The following NUP214 variants were observed in gnomAD, a reference collection of about 807,000 sequenced individuals.
NUP214 encodes nucleoporin 214.
In NUP214, 79 loss-of-function variants were observed where a neutral mutation model predicts 196.2. The observed-to-expected ratio is 0.40, with a 90% CI of 0.34 to 0.49. The LOEUF (loss-of-function observed/expected upper bound fraction) is 0.49, where lower values mean the gene tolerates loss of function less well. Ranked by LOEUF, NUP214 falls within the 20% of genes least tolerant of loss-of-function variation. NUP214 has a pLI of 0.58. For synonymous variants in NUP214, 1,020 were observed against 990.5 expected, an observed-to-expected ratio of 1.03 and a Z score of -0.56; for missense variants, 2,468 against 2,539.0, an observed-to-expected ratio of 0.97 and a Z score of 0.60.
chr9:131,199,109 C>T, intron 29 of NUP214, 94 bp downstream of exon 29: 1 of 1,423,982 alleles, frequency 7.0e-7, no homozygotes, highest in Non-Finnish European at 9.4e-7. Context: ...AAAGGGGAGA[C>T]TCAAAACCCA....
intron 28 of NUP214, 169 bp downstream of exon 28, chr9:131,195,463 G>T (rs1833747568): frequency 2.1e-6 from 1 of 467,140 alleles, no homozygotes; most frequent in Non-Finnish European, 3.8e-6. Context: ...TTAAGAAACT[G>T]ATGTGAAGGA....
chr9:131,199,964 C>T (rs1017838614), intron 29 of NUP214, among the ~76,000 whole-genome samples: 2 of 152,100 alleles, frequency 1.3e-5, no homozygotes, highest in African/African-American at 4.8e-5. Context: ...TACCCAATGC[C>T]CTGTGAAGAG....
rs766424679 is a variant in NUP214 at position 131,125,715 on chromosome 9, A to G, written c.11A>G (p.Glu4Gly). MGD[E>G]MDAMIPEREM... ...ACTGAGGGCGGCGCGATGGGAGACG[A>G]GATGGATGCCATGATTCCCGAGCGG... The change falls in exon 1 of 36, where the codon GAG becomes GGG. Residue 4 changes from glutamate (E) to glycine (G), a missense_variant. Around this residue, in one of 5 missense-constraint regions of NUP214, gnomAD observed 392 missense variants for 417.9 expected, o/e 0.94. Coordinates refer to ENST00000359428, the MANE Select transcript of NUP214 (RefSeq NM_005085.4). This position sits in a 1 kb window ranked among gnomAD's most constrained non-coding sequence, Gnocchi z 4.1. The G allele has an allele frequency of 6.4e-7, 1 of 1,552,358 alleles. No individual in the cohort carries two copies.
At chr9:131,133,467 G>A (rs1222228331) in intron 7 of NUP214, among the ~76,000 whole-genome samples, 1 of 151,836 alleles carries the variant, frequency 6.6e-6, no homozygotes, top group Non-Finnish European at 1.5e-5. Context: ...ACTATGCCTG[G>A]CTAATTTTTT....
At chr9:131,213,877 A>C (rs1261798819) in intron 30 of NUP214, among the ~76,000 whole-genome samples, 1 of 152,116 alleles carries the variant, frequency 6.6e-6, no homozygotes, top group Non-Finnish European at 1.5e-5. Context: ...TATTTGAGGC[A>C]CAGAAGATAT....
At chr9:131,150,515 C>A in intron 15 of NUP214, 101 bp from the exon 16 acceptor site, 1 of 1,565,414 alleles carries the variant, frequency 6.4e-7, no homozygotes, top group Non-Finnish European at 8.8e-7. Context: ...AGCGCTGAAG[C>A]ATGGCCCATC....
At position 131,129,999 on chromosome 9, in the gene NUP214, G is replaced by A. The variant is rs1257688161; in HGVS notation, c.592+522G>A. 2.0e-5 allele frequency among the ~76,000 whole-genome samples: 3 copies of A among 152,038 alleles called. No individual in the cohort carries two copies. In the East Asian group the frequency reaches 5.8e-4, roughly 29 times the overall value. On this transcript the variant is annotated intron_variant, in intron 4 of 35. Coordinates refer to ENST00000359428, the MANE Select transcript of NUP214 (RefSeq NM_005085.4). Reference sequence around the variant, plus strand: ...TTGGGATTTCTGGAGAAATATTTTGGTACAGCTGGTTTAGAAGTGTTTTTT... The same window carrying A: ...TTGGGATTTCTGGAGAAATATTTTGATACAGCTGGTTTAGAAGTGTTTTTT...
chr9:131,232,247 A>C lies in NUP214; in HGVS notation c.6215-37A>C. 1 of 1,613,702 alleles carries C rather than the reference A, an allele frequency of 6.2e-7. No homozygotes were observed. Among genetic ancestry groups the C allele is most frequent in the South Asian group, 1.1e-5 (1 of 91,062 alleles). On this transcript the variant is annotated intron_variant, in intron 34 of 35. Coordinates refer to ENST00000359428, the MANE Select transcript of NUP214 (RefSeq NM_005085.4). This position sits in a 1 kb window ranked among gnomAD's most constrained non-coding sequence, Gnocchi z 5.1. ...GGGACCACCTTTGTCTTTCGAGTGGATGCGTGCTTTAACTTCACTCTTATT... is the reference window on the plus strand; with the variant it reads ...GGGACCACCTTTGTCTTTCGAGTGGCTGCGTGCTTTAACTTCACTCTTATT...
chr9:131,211,536 C>T (rs1397951819), intron 30 of NUP214, among the ~76,000 whole-genome samples: 2 of 152,104 alleles, frequency 1.3e-5, no homozygotes, highest in East Asian at 1.9e-4. Context: ...CCATCTGTTG[C>T]GGGAAGTCAG....
intron 33 of NUP214, chr9:131,229,535 G>T: frequency 2.8e-6 from 1 of 352,592 alleles, no homozygotes. Flanking sequence ...TTCTTTACTA[G>T]TAGAAAAGTA....
At chr9:131,202,890 A>G (rs1303790524) in intron 30 of NUP214, among the ~76,000 whole-genome samples, 4 of 151,596 alleles carry the variant, frequency 2.6e-5, no homozygotes, top group African/African-American at 9.7e-5. Flanking sequence ...GCAGTTATCT[A>G]TGTGCCAGGC....
At position 131,215,333 on chromosome 9, in the gene NUP214, C is replaced by T. The variant is rs777620956; in HGVS notation, c.5714C>T (p.Ser1905Leu). ...QDAANKNPFSSASGGFGSTAT... is the reference protein window; with the variant it reads ...QDAANKNPFSLASGGFGSTAT... Reference sequence around the variant, plus strand: ...GCAGCCAACAAAAACCCATTCAGCTCGGCCAGTGGGGGCTTTGGATCCACA... The same window carrying T: ...GCAGCCAACAAAAACCCATTCAGCTTGGCCAGTGGGGGCTTTGGATCCACA... The change falls in exon 31 of 36, where the codon TCG (serine) becomes TTG (leucine). Residue 1905 changes from serine (S) to leucine (L), a missense_variant. Coordinates refer to ENST00000359428, the MANE Select transcript of NUP214 (RefSeq NM_005085.4). 13 of 1,603,274 alleles carry T rather than the reference C, an allele frequency of 8.1e-6. No homozygotes were observed. The highest frequency in any genetic ancestry group is 3.4e-5 in the Admixed American group (2 of 58,858).
rs1834942557 is a variant in NUP214 at position 131,233,796 on chromosome 9, ACT to A, written c.*310_*311del. On this transcript the variant is annotated 3_prime_UTR_variant, in exon 36 of 36. Coordinates refer to ENST00000359428, the MANE Select transcript of NUP214 (RefSeq NM_005085.4). Reference sequence around the variant, plus strand: ...CAGCAGAGCCTCCATCAGCCAGAACACTGTGTCTTCAAGGATGGCATCAGAAG... The same window carrying A: ...CAGCAGAGCCTCCATCAGCCAGAACAGTGTCTTCAAGGATGGCATCAGAAG... 1 of 448,124 alleles carries A rather than the reference ACT, an allele frequency of 2.2e-6. No homozygotes were observed. Among genetic ancestry groups the A allele is most frequent in the Non-Finnish European group, 4.2e-6 (1 of 239,636 alleles). 27.8% of individuals were successfully genotyped at this position (448,124 alleles called of 1,614,324 possible).
Position 131,144,635 on chromosome 9 carries a change from A to C in NUP214, c.1650A>C (p.Ser550=). Residue 550 remains serine (S), a synonymous_variant, in exon 12 of 36, where the codon TCA becomes TCC. Transcript: ENST00000359428. ...APSAASFSFG[S]SGFKPTLEST... ...CAGCTGCTTCATTCTCCTTTGGATCATCTGGTTTTAAGCCTACCCTGGAAA... is the reference window on the plus strand; with the variant it reads ...CAGCTGCTTCATTCTCCTTTGGATCCTCTGGTTTTAAGCCTACCCTGGAAA... 6.2e-7 allele frequency: 1 copy of C among 1,614,034 alleles called. No individual in the cohort carries two copies.
rs777422483 is a variant in NUP214 at position 131,198,976 on chromosome 9, A to G, written c.5482A>G (p.Thr1828Ala). 34 of 1,611,718 alleles carry G rather than the reference A, an allele frequency of 2.1e-5. No homozygotes were observed. Among genetic ancestry groups the G allele is most frequent in the Non-Finnish European group, 2.9e-5 (34 of 1,178,192 alleles). ...TGGTGGTACCTCAGCTGCCACCACA[A>G]CAGCAGCAACCTCTGGGTTCAGCTT... ...VFGGTSAATT[T>A]AATSGFSFCQ... Residue 1828 changes from threonine to alanine, a missense_variant, in exon 29 of 36, where the codon ACA becomes GCA. Coordinates refer to ENST00000359428, the MANE Select transcript of NUP214 (RefSeq NM_005085.4).
chr9:131,139,769 G>C (rs1045683784), intron 10 of NUP214, among the ~76,000 whole-genome samples: 7 of 152,122 alleles, frequency 4.6e-5, no homozygotes, highest in African/African-American at 1.7e-4. Flanking sequence ...AGCAATACCC[G>C]AATCTGGTAC....
chr9:131,198,615 G>T lies in NUP214; in HGVS notation c.5121G>T (p.Gly1707=), dbSNP rs767149720. The change falls in exon 29 of 36, where the codon GGG becomes GGT. Residue 1707 remains glycine (G), a synonymous_variant. Coordinates refer to ENST00000359428, the MANE Select transcript of NUP214 (RefSeq NM_005085.4). ...AAATPQVSSS[G]FSSPAFGTTA... ...CCACACCACAGGTCAGCAGCTCAGGGTTTAGCAGCCCAGCTTTTGGTACCA... is the reference window on the plus strand; with the variant it reads ...CCACACCACAGGTCAGCAGCTCAGGTTTTAGCAGCCCAGCTTTTGGTACCA... 59 of 1,614,090 alleles carry T rather than the reference G, an allele frequency of 3.7e-5. 1 individual carries two copies. In the South Asian group the frequency reaches 6.3e-4, roughly 17 times the overall value.
chr9:131,144,200 T>G, intron 11 of NUP214, 80 bp from the exon 12 acceptor site: 1 of 1,133,850 alleles, frequency 8.8e-7, no homozygotes, highest in Admixed American at 2.2e-5. Flanking sequence ...CTACCACAAA[T>G]TCTTTTTCAC....
chr9:131,209,524 G>A (rs536453381), intron 30 of NUP214, among the ~76,000 whole-genome samples: 29 of 152,076 alleles, frequency 1.9e-4, no homozygotes, highest in Middle Eastern at 3.4e-3. Context: ...TCAAGTAGTA[G>A]CTGGGACTAC....
Sources: gnomAD v4.1 joint callset for allele counts (sites outside exome capture counted in the v4.1 genomes callset) on GRCh38, gnomAD v4.1.1 for gene constraint, gnomAD v4.1.1 regional missense constraint, Gnocchi (gnomAD v3.1) non-coding constraint, MANE v1.5 for transcripts, NCBI Gene and HGNC (gene_info 2026-07-23, HGNC 2026-07-21) for gene names.